Variants in TCF7L1 observed in about 807,000 individuals in gnomAD.
TCF7L1 encodes the protein transcription factor 7-like 1.
A neutral mutation model predicts 63.7 loss-of-function variants in TCF7L1; 18 were observed. The observed-to-expected ratio is 0.28, with a 90% CI of 0.20 to 0.42. The LOEUF is 0.42. TCF7L1 is among the 10% of genes least tolerant of loss of function. The pLI, the probability that TCF7L1 is intolerant of heterozygous loss-of-function variation, is 1.00. For synonymous variants in TCF7L1, 355 were observed against 340.9 expected, an observed-to-expected ratio of 1.04 and a Z score of -0.46; for missense variants, 654 against 779.3, an observed-to-expected ratio of 0.84 and a Z score of 1.91.
chr2:85,174,465 G>A lies in TCF7L1; in HGVS notation c.441+40015G>A, dbSNP rs192081407. Reference sequence around the variant, plus strand: ...GGCTCAAGGCTAATGGGGTTTCCTCGCTTCCAAAAAAGAGGTGATGTTGCC... The same window carrying A: ...GGCTCAAGGCTAATGGGGTTTCCTCACTTCCAAAAAAGAGGTGATGTTGCC... On this transcript the variant is annotated intron_variant, in intron 3 of 11. Transcript: ENST00000282111. 8.9e-4 allele frequency among the ~76,000 whole-genome samples: 136 copies of A among 152,214 alleles called. 1 individual carries two copies. The highest frequency in any genetic ancestry group is 2.8e-3 in the African/African-American group (116 of 41,540).
chr2:85,278,857 T>A (rs6748258), intron 3 of TCF7L1, among the ~76,000 whole-genome samples: 42,176 of 152,164 alleles, frequency 0.28, 6,222 homozygotes, highest in East Asian at 0.57. Flanking sequence ...TTCCTTTCTA[T>A]TTTTGAGCAT....
chr2:85,299,298 C>A (rs1681905508), intron 4 of TCF7L1, among the ~76,000 whole-genome samples: 2 of 151,982 alleles, frequency 1.3e-5, no homozygotes, highest in South Asian at 2.1e-4. Flanking sequence ...ACCTGTAATC[C>A]CAGCACTTTG....
chr2:85,237,260 A>T (rs1262143819), intron 3 of TCF7L1, among the ~76,000 whole-genome samples: 1 of 152,134 alleles, frequency 6.6e-6, no homozygotes, highest in Non-Finnish European at 1.5e-5. Flanking sequence ...ACTTGCCCAC[A>T]CACTTGGCCA....
At chr2:85,162,633 AC>A (rs1678317231) in intron 3 of TCF7L1, among the ~76,000 whole-genome samples, 1 of 152,112 alleles carries the variant, frequency 6.6e-6, no homozygotes, top group Non-Finnish European at 1.5e-5. Context: ...CTCCTTTAAG[AC>A]CATCTCTGGG....
chr2:85,300,387 T>C (rs530260857), intron 4 of TCF7L1, among the ~76,000 whole-genome samples: 2 of 152,256 alleles, frequency 1.3e-5, no homozygotes, highest in Non-Finnish European at 2.9e-5. Context: ...TGTATGTTCA[T>C]GTATATGGAG....
At chr2:85,222,294 T>C (rs1679859721) in intron 3 of TCF7L1, among the ~76,000 whole-genome samples, 1 of 151,188 alleles carries the variant, frequency 6.6e-6, no homozygotes, top group African/African-American at 2.4e-5. Context: ...TGAGCCGAGA[T>C]TGGCCATTGC....
chr2:85,188,985 G>T (rs1166649811), intron 3 of TCF7L1, among the ~76,000 whole-genome samples: 1 of 152,134 alleles, frequency 6.6e-6, no homozygotes, highest in Non-Finnish European at 1.5e-5. Context: ...ATCTTTTTGG[G>T]GGGGTGTTTC....
At chr2:85,206,420 A>G (rs1679411325) in intron 3 of TCF7L1, among the ~76,000 whole-genome samples, 1 of 152,218 alleles carries the variant, frequency 6.6e-6, no homozygotes, top group Non-Finnish European at 1.5e-5. Flanking sequence ...AGCTGCATGA[A>G]CAATCATGGT....
At chr2:85,226,386 C>T (rs1679953010) in intron 3 of TCF7L1, among the ~76,000 whole-genome samples, 1 of 152,020 alleles carries the variant, frequency 6.6e-6, no homozygotes, top group African/African-American at 2.4e-5. Flanking sequence ...CCTATTTTAC[C>T]ATTAAGGAAG....
intron 3 of TCF7L1, among the ~76,000 whole-genome samples, chr2:85,198,976 A>G (rs1401098171): frequency 2.0e-5 from 3 of 151,810 alleles, no homozygotes; most frequent in Admixed American, 1.3e-4. Context: ...AGCCCTGTAA[A>G]GAAAAAAGGT....
chr2:85,216,939 C>G (rs1679724977), intron 3 of TCF7L1: 1 of 152,194 alleles, frequency 6.6e-6, no homozygotes. Flanking sequence ...GGTTCTAGTA[C>G]TACCTGGATG....
intron 3 of TCF7L1, among the ~76,000 whole-genome samples, chr2:85,259,121 G>A (rs1359673159): frequency 6.6e-6 from 1 of 152,164 alleles, no homozygotes; most frequent in Non-Finnish European, 1.5e-5. Flanking sequence ...TTGTCATTCT[G>A]TCCCCCACAG....
intron 4 of TCF7L1, among the ~76,000 whole-genome samples, chr2:85,288,552 G>A (rs1297209056): frequency 6.6e-6 from 1 of 152,158 alleles, no homozygotes; most frequent in Non-Finnish European, 1.5e-5. Flanking sequence ...TATTTAAGGT[G>A]AGGTTTGCCC....
At chr2:85,255,323 G>A (rs1680688617) in intron 3 of TCF7L1, among the ~76,000 whole-genome samples, 1 of 152,100 alleles carries the variant, frequency 6.6e-6, no homozygotes, top group Non-Finnish European at 1.5e-5. Flanking sequence ...GACATAGAAG[G>A]ACCATTCCCA....
intron 4 of TCF7L1, among the ~76,000 whole-genome samples, chr2:85,284,941 G>C (rs1681506824): frequency 6.6e-6 from 1 of 152,150 alleles, no homozygotes; most frequent in Non-Finnish European, 1.5e-5. Context: ...GACATTTTAA[G>C]AGATACTGAT....
At chr2:85,228,950 G>A (rs1011616812) in intron 3 of TCF7L1, among the ~76,000 whole-genome samples, 3 of 151,072 alleles carry the variant, frequency 2.0e-5, no homozygotes, top group Admixed American at 2.0e-4. Flanking sequence ...GAACCCAGGA[G>A]GCGGAGCTTG....
At chr2:85,252,024 G>A (rs1680601323) in intron 3 of TCF7L1, among the ~76,000 whole-genome samples, 3 of 152,186 alleles carry the variant, frequency 2.0e-5, no homozygotes, top group Non-Finnish European at 4.4e-5. Flanking sequence ...TCAGTGAGCT[G>A]TGATTGCGCC....
intron 3 of TCF7L1, among the ~76,000 whole-genome samples, chr2:85,146,788 G>C (rs1310408039): frequency 6.6e-6 from 1 of 152,042 alleles, no homozygotes; most frequent in Non-Finnish European, 1.5e-5. Flanking sequence ...ATAGGTGTGA[G>C]CCACTGTGCC....
intron 3 of TCF7L1, among the ~76,000 whole-genome samples, chr2:85,173,519 A>T (rs1318115254): frequency 6.6e-6 from 1 of 152,198 alleles, no homozygotes; most frequent in Non-Finnish European, 1.5e-5. Context: ...TAAAGATTAA[A>T]TTGAATCACA....
Sources: allele counts gnomAD v4.1 joint callset (sites outside exome capture counted in the v4.1 genomes callset), GRCh38; gene constraint gnomAD v4.1.1; transcripts MANE v1.5; gene names NCBI Gene and HGNC (gene_info 2026-07-23, HGNC 2026-07-21).